HACE1: variants seen among roughly 807,000 people sequenced by gnomAD.
The protein encoded by HACE1 is E3 ubiquitin-protein ligase HACE1.
Under a neutral mutation model 118.4 loss-of-function variants are expected in HACE1, and 73 were observed. The ratio of observed to expected loss-of-function variants is 0.62; its 90% CI spans 0.51 to 0.75. HACE1 has a LOEUF of 0.75. Ranked by LOEUF, HACE1 falls within the 30% of genes least tolerant of loss-of-function variation. HACE1 has a pLI of 0.00. For missense variants in HACE1, 749 were observed against 1,102.2 expected, an observed-to-expected ratio of 0.68 and a Z score of 4.54; for synonymous variants, 368 against 374.8, an observed-to-expected ratio of 0.98 and a Z score of 0.21.
chr6:104,781,429 C>G (rs1367983989), intron 14 of HACE1, among the ~76,000 whole-genome samples: 2 of 152,082 alleles, frequency 1.3e-5, no homozygotes, highest in African/African-American at 4.8e-5. Flanking sequence ...TCCAAGGAGC[C>G]CTGGTTCATT....
At chr6:104,753,100 TAATAA>T (rs1010273636) in intron 19 of HACE1, among the ~76,000 whole-genome samples, 1 of 152,192 alleles carries the variant, frequency 6.6e-6, no homozygotes, top group Non-Finnish European at 1.5e-5. Context: ...CCTTCAAACA[TAATAA>T]AACAAATTAA....
At chr6:104,772,901 G>T (rs566602233) in intron 17 of HACE1, among the ~76,000 whole-genome samples, 1 of 152,058 alleles carries the variant, frequency 6.6e-6, no homozygotes, top group Non-Finnish European at 1.5e-5. Flanking sequence ...TTCTGCTTGG[G>T]GTGATGAAAA....
chr6:104,805,167 G>A (rs772773287), intron 7 of HACE1, among the ~76,000 whole-genome samples: 3 of 152,024 alleles, frequency 2.0e-5, no homozygotes, highest in Non-Finnish European at 2.9e-5. Flanking sequence ...ACCATCTCAC[G>A]CCAGTTAGAA....
intron 19 of HACE1, among the ~76,000 whole-genome samples, chr6:104,763,539 CAT>C (rs1208411333): frequency 2.0e-5 from 3 of 151,676 alleles, no homozygotes; most frequent in African/African-American, 7.3e-5. Flanking sequence ...ACCAAATTTA[CAT>C]GTTACCAATA....
At position 104,774,080 on chromosome 6, in the gene HACE1, CTTTTTTTTTTTTTTTT is replaced by C. The variant is rs540039211; in HGVS notation, c.1865-2022_1865-2007del. Among the ~76,000 whole-genome samples the C allele has an allele frequency of 2.4e-3, 181 of 74,752 alleles. 7 individuals carry two copies. Among genetic ancestry groups the C allele is most frequent in the African/African-American group, 0.014 (170 of 12,512 alleles). 49.0% of individuals were successfully genotyped at this position (74,752 alleles called of 152,430 possible). On this transcript the variant is annotated intron_variant, in intron 17 of 23. Coordinates refer to ENST00000262903, the MANE Select transcript of HACE1 (RefSeq NM_020771.4). ...CAAAAAATAGGTTATCATCTTTTCTCTTTTTTTTTTTTTTTTTTTTTTTTTTTGAGACGGAGTCTCG... is the reference window on the plus strand; with the variant it reads ...CAAAAAATAGGTTATCATCTTTTCTCTTTTTTTTTTTGAGACGGAGTCTCG...
chr6:104,756,222 C>T (rs938859065), intron 19 of HACE1, among the ~76,000 whole-genome samples: 3 of 151,556 alleles, frequency 2.0e-5, no homozygotes, highest in Non-Finnish European at 2.9e-5. Flanking sequence ...ACCAGCTGGG[C>T]CAGCATGGTG....
At chr6:104,785,369 T>TAAAAAAAAA in intron 11 of HACE1, 50 bp from the exon 12 acceptor site, 1 of 743,256 alleles carries the variant, frequency 1.3e-6, no homozygotes, top group Non-Finnish European at 2.1e-6. Context: ...ACTACAGGAT[T>TAAAAAAAAA]AAAAAAAAAA....
chr6:104,843,504 G>C (rs781617861), intron 4 of HACE1, among the ~76,000 whole-genome samples: 1 of 152,136 alleles, frequency 6.6e-6, no homozygotes, highest in Non-Finnish European at 1.5e-5. Context: ...AAGATAACAG[G>C]ATAAAACAAT....
intron 14 of HACE1, among the ~76,000 whole-genome samples, chr6:104,783,325 T>G (rs1781941761): frequency 6.6e-6 from 1 of 152,228 alleles, no homozygotes; most frequent in Admixed American, 6.5e-5. Context: ...TAGTTACTAT[T>G]TTATACATAT....
At chr6:104,828,337 C>T (rs1773533190) in intron 6 of HACE1, among the ~76,000 whole-genome samples, 1 of 151,988 alleles carries the variant, frequency 6.6e-6, no homozygotes, top group South Asian at 2.1e-4. Flanking sequence ...TAATAACAAT[C>T]ATAATAGCAG....
chr6:104,775,278 G>A (rs367962402), intron 17 of HACE1, among the ~76,000 whole-genome samples: 6 of 152,010 alleles, frequency 3.9e-5, no homozygotes, highest in African/African-American at 1.2e-4. Flanking sequence ...CCAGCTACTC[G>A]GGAGGCTGAG....
intron 11 of HACE1, 93 bp from the exon 12 acceptor site, chr6:104,785,412 G>C (rs1782278997): frequency 1.1e-5 from 8 of 750,398 alleles, no homozygotes; most frequent in Non-Finnish European, 1.6e-5. Flanking sequence ...TATTATAGAA[G>C]AGAAAATTTA....
rs780177625 is a variant in HACE1, at chr6:104,797,033, GA to G, written c.618-9del. ...GTATCTCTCTGACCATGACTGTGTG[GA>G]AATAGAAACAAGTTAAAAATACAAT... On this transcript the variant is annotated splice_polypyrimidine_tract_variant and intron_variant, in intron 7 of 23. Coordinates refer to ENST00000262903, the MANE Select transcript of HACE1 (RefSeq NM_020771.4). The G allele has an allele frequency of 6.8e-5, 100 of 1,480,392 alleles. No individual in the cohort carries two copies. Among genetic ancestry groups the G allele is most frequent in the Non-Finnish European group, 9.4e-5 (99 of 1,058,558 alleles). 91.7% of individuals were successfully genotyped at this position (1,480,392 alleles called of 1,614,324 possible). A position where few individuals can be genotyped will look rare whatever the true frequency, so the allele number is the denominator to read the frequency against.
intron 4 of HACE1, chr6:104,845,684 A>G (rs1775599916): frequency 6.6e-6 from 1 of 152,070 alleles, no homozygotes; most frequent in South Asian, 2.1e-4. Context: ...TCACCGTGTT[A>G]GCCAGGATGG....
chr6:104,734,004 T>A (rs1775507581), intron 22 of HACE1, among the ~76,000 whole-genome samples: 1 of 151,344 alleles, frequency 6.6e-6, no homozygotes, highest in Non-Finnish European at 1.5e-5. Flanking sequence ...AATACAAAAT[T>A]AGCTGGGCAT....
chr6:104,820,387 C>T (rs1772588907), intron 6 of HACE1, among the ~76,000 whole-genome samples: 1 of 152,064 alleles, frequency 6.6e-6, no homozygotes, highest in Non-Finnish European at 1.5e-5. Context: ...AAAAAACTAT[C>T]ATCAGAATGA....
rs1774983708 is a variant in HACE1, at chr6:104,729,607, T to A, written c.*55A>T. 2 of 896,242 alleles carry A rather than the reference T, an allele frequency of 2.2e-6. No homozygotes were observed. The highest frequency in any genetic ancestry group is 1.9e-6 in the Non-Finnish European group (1 of 526,350). 55.5% of individuals were successfully genotyped at this position (896,242 alleles called of 1,614,324 possible). ...CTTTTTTGTTGACATTTTCCCAAAT[T>A]ACTTCTGCCATTCTGAATTGTGCAT... On this transcript the variant is annotated 3_prime_UTR_variant, in exon 24 of 24. Transcript: ENST00000262903.
chr6:104,785,379 A>C (rs1294544891), intron 11 of HACE1, 60 bp from the exon 12 acceptor site: 1 of 944,868 alleles, frequency 1.1e-6, no homozygotes, highest in African/African-American at 1.7e-5. Context: ...TAAAAAAAAA[A>C]AAACAAAACA....
At chr6:104,842,798 C>T (rs2115164365) in intron 5 of HACE1, among the ~76,000 whole-genome samples, 1 of 152,260 alleles carries the variant, frequency 6.6e-6, no homozygotes, top group South Asian at 2.1e-4. Context: ...AATCATTCTA[C>T]ACCTTCTTAA....
Sources: allele counts gnomAD v4.1 joint callset (sites outside exome capture counted in the v4.1 genomes callset), GRCh38; gene constraint gnomAD v4.1.1; transcripts MANE v1.5; gene names NCBI Gene and HGNC (gene_info 2026-07-23, HGNC 2026-07-21).